Variants in GTF2E2 observed in about 807,000 individuals in gnomAD.
The protein encoded by GTF2E2 is general transcription factor IIE subunit 2.
In GTF2E2, 21 loss-of-function variants were observed where a neutral mutation model predicts 40.5. The ratio of observed to expected loss-of-function variants is 0.52; its 90% CI spans 0.37 to 0.75. The LOEUF (loss-of-function observed/expected upper bound fraction) is 0.75, where lower values mean the gene tolerates loss of function less well. Ranked by LOEUF, GTF2E2 falls within the 30% of genes least tolerant of loss-of-function variation. GTF2E2 has a pLI of 0.00. For missense variants in GTF2E2, 298 were observed against 338.4 expected (o/e 0.88, Z 0.94); for synonymous variants, 117 against 121.6 (o/e 0.96, Z 0.25).
At chr8:30,624,493 G>A (rs1365741875) in intron 3 of GTF2E2, among the ~76,000 whole-genome samples, 4 of 152,050 alleles carry the variant, frequency 2.6e-5, no homozygotes, top group Non-Finnish European at 5.9e-5. Flanking sequence ...TTCACAATGC[G>A]GGCTCTTTTT....
intron 3 of GTF2E2, among the ~76,000 whole-genome samples, chr8:30,617,942 G>A (rs1405204246): frequency 6.6e-6 from 1 of 151,992 alleles, no homozygotes; most frequent in African/African-American, 2.4e-5. Context: ...CACAAAAGTG[G>A]GTACCTCGTG....
chr8:30,619,216 A>C (rs1370757842), intron 3 of GTF2E2, among the ~76,000 whole-genome samples: 1 of 152,122 alleles, frequency 6.6e-6, no homozygotes, highest in East Asian at 1.9e-4. Context: ...TTGGGATTAC[A>C]GGCATGAGCC....
intron 2 of GTF2E2, chr8:30,645,722 A>G: frequency 2.0e-6 from 2 of 1,000,212 alleles, no homozygotes; most frequent in Non-Finnish European, 2.8e-6. Flanking sequence ...CATTTCTAGT[A>G]GAAGGGGAAA....
intron 4 of GTF2E2, among the ~76,000 whole-genome samples, chr8:30,614,123 A>G (rs1163365105): frequency 2.0e-5 from 3 of 152,236 alleles, no homozygotes; most frequent in Non-Finnish European, 4.4e-5. Context: ...TGACTTCTTT[A>G]CAACTATTAC....
intron 3 of GTF2E2, among the ~76,000 whole-genome samples, chr8:30,630,422 ATTC>A (rs546021916): frequency 1.6e-3 from 247 of 152,322 alleles, no homozygotes; most frequent in African/African-American, 5.7e-3. Context: ...TTTCTAAATC[ATTC>A]TTATTAAGCA....
At chr8:30,646,350 CT>C (rs1485591723) in intron 2 of GTF2E2, among the ~76,000 whole-genome samples, 2 of 151,950 alleles carry the variant, frequency 1.3e-5, no homozygotes, top group Non-Finnish European at 2.9e-5. Context: ...AAGACTGCCC[CT>C]CCCCCCATCC....
intron 3 of GTF2E2, among the ~76,000 whole-genome samples, chr8:30,626,947 T>G (rs1389393677): frequency 6.6e-6 from 1 of 152,252 alleles, no homozygotes; most frequent in East Asian, 1.9e-4. Context: ...GCTCTTCATC[T>G]TTTTGTTTTT....
chr8:30,614,326 C>T (rs1800843302), intron 4 of GTF2E2, among the ~76,000 whole-genome samples: 1 of 152,084 alleles, frequency 6.6e-6, no homozygotes, highest in Non-Finnish European at 1.5e-5. Context: ...ATGCCTATAA[C>T]CCCAGCACTC....
At position 30,658,190 on chromosome 8, in the gene GTF2E2, C is replaced by G. The variant is rs1365041964; in HGVS notation, c.-222G>C. ...GGCGGTAGCTGAGGCGGCGACTGGA[C>G]CCGGGACTCCGCCCGCCACTTCCCG... On this transcript the variant is annotated 5_prime_UTR_variant, in exon 1 of 8. Transcript: ENST00000355904. 2 of 188,690 alleles carry G rather than the reference C, an allele frequency of 1.1e-5. No homozygotes were observed. Among genetic ancestry groups the G allele is most frequent in the Non-Finnish European group, 2.2e-5 (2 of 92,944 alleles). 11.7% of individuals were successfully genotyped at this position (188,690 alleles called of 1,614,324 possible).
At chr8:30,602,346 T>C (rs928160193) in intron 6 of GTF2E2, among the ~76,000 whole-genome samples, 4 of 152,178 alleles carry the variant, frequency 2.6e-5, no homozygotes, top group Admixed American at 2.6e-4. Context: ...ATAAAAAATA[T>C]ATTTTAAAGA....
intron 3 of GTF2E2, among the ~76,000 whole-genome samples, chr8:30,628,158 C>G (rs1801339197): frequency 6.6e-6 from 1 of 152,162 alleles, no homozygotes; most frequent in Non-Finnish European, 1.5e-5. Flanking sequence ...CAAATGTGAA[C>G]CTGGGTGAAG....
At chr8:30,613,575 G>A (rs1375623669) in intron 4 of GTF2E2, among the ~76,000 whole-genome samples, 2 of 152,206 alleles carry the variant, frequency 1.3e-5, no homozygotes, top group African/African-American at 4.8e-5. Context: ...AATGTTGGTA[G>A]TCTATGAATT....
chr8:30,615,745 T>C (rs1396463691), intron 3 of GTF2E2, among the ~76,000 whole-genome samples: 1 of 152,210 alleles, frequency 6.6e-6, no homozygotes, highest in Non-Finnish European at 1.5e-5. Context: ...ACAGCTACTG[T>C]GGAAGACAGT....
chr8:30,623,074 C>T (rs10955034), intron 3 of GTF2E2, among the ~76,000 whole-genome samples: 122,431 of 152,024 alleles, frequency 0.81, 50,172 homozygotes, highest in African/African-American at 0.93. Context: ...GTGATAAGTG[C>T]CCATGAAATC....
At chr8:30,627,483 G>T (rs1484520342) in intron 3 of GTF2E2, among the ~76,000 whole-genome samples, 2 of 140,688 alleles carry the variant, frequency 1.4e-5, no homozygotes, top group African/African-American at 5.3e-5. Flanking sequence ...TCAGGACATC[G>T]CTTTTTTCAG....
chr8:30,604,473 G>C (rs1291425723), intron 6 of GTF2E2, among the ~76,000 whole-genome samples: 1 of 152,180 alleles, frequency 6.6e-6, no homozygotes, highest in African/African-American at 2.4e-5. Flanking sequence ...GATATGTAAA[G>C]ACATTTGCTT....
At chr8:30,642,068 T>C (rs1334613702) in intron 2 of GTF2E2, among the ~76,000 whole-genome samples, 2 of 152,214 alleles carry the variant, frequency 1.3e-5, no homozygotes, top group South Asian at 4.1e-4. Flanking sequence ...GAATCCAGAA[T>C]ACTCAATAAA....
intron 3 of GTF2E2, among the ~76,000 whole-genome samples, chr8:30,633,436 G>A (rs1459800005): frequency 1.3e-5 from 2 of 152,262 alleles, no homozygotes; most frequent in East Asian, 1.9e-4. Flanking sequence ...CAATATGCCA[G>A]AAATTCTGTA....
chr8:30,645,206 GA>G, intron 2 of GTF2E2: 1 of 1,232,406 alleles, frequency 8.1e-7, no homozygotes, highest in Non-Finnish European at 1.1e-6. Flanking sequence ...AATTTACTAA[GA>G]AATCTTAGTA....
Sources: allele counts gnomAD v4.1 joint callset (sites outside exome capture counted in the v4.1 genomes callset), GRCh38; gene constraint gnomAD v4.1.1; transcripts MANE v1.5; gene names NCBI Gene and HGNC (gene_info 2026-07-23, HGNC 2026-07-21).